RHOU: variants seen among roughly 807,000 people sequenced by gnomAD.
RHOU encodes ras homolog family member U.
In RHOU, 8 loss-of-function variants were observed where a neutral mutation model predicts 12.6. The ratio of observed to expected loss-of-function variants is 0.64; its 90% CI spans 0.37 to 1.15. The LOEUF is 1.15. RHOU is among the 50% of genes most tolerant of loss of function. The pLI is 0.01. For missense variants in RHOU, 258 were observed against 347.0 expected (o/e 0.74, Z 2.04); for synonymous variants, 161 against 147.4 (o/e 1.09, Z -0.67).
At chr1:228,659,002 A>G in the RHOU span, among the ~76,000 whole-genome samples, 1 of 152,196 alleles carries the variant, frequency 6.6e-6, no homozygotes, top group Non-Finnish European at 1.5e-5. Context: ...AAATGAAAAC[A>G]CAGTACAGCA....
the RHOU span, among the ~76,000 whole-genome samples, chr1:228,664,960 T>G: frequency 6.6e-6 from 1 of 152,170 alleles, no homozygotes; most frequent in Non-Finnish European, 1.5e-5. Flanking sequence ...CTTGCCAAGC[T>G]TTATTAACTA....
intron 2 of RHOU, among the ~76,000 whole-genome samples, chr1:228,739,248 CA>C (rs1179978495): frequency 6.6e-6 from 1 of 152,072 alleles, no homozygotes; most frequent in Non-Finnish European, 1.5e-5. Context: ...CTTTGTCTAC[CA>C]GGGGGTCAGG....
Position 228,738,886 on chromosome 1 carries a change from G to A in RHOU, c.321+1155G>A, listed in dbSNP as rs919288064. 6.6e-6 allele frequency among the ~76,000 whole-genome samples: 1 copy of A among 151,874 alleles called. No homozygotes were observed. Among genetic ancestry groups the A allele is most frequent in the Non-Finnish European group, 1.5e-5 (1 of 67,964 alleles). ...GGCTCATGCTCTTTGGGAGGCTGAG[G>A]TGGGAGGATTGCATGAGGCCAGGAA... On this transcript the variant is annotated intron_variant, in intron 2 of 2. Transcript: ENST00000366691. The surrounding 1 kb of genome is among the most constrained non-coding windows in gnomAD (Gnocchi z 4.2).
At position 228,737,795 on chromosome 1, in the gene RHOU, C is replaced by T. The variant is rs927580823; in HGVS notation, c.321+64C>T. The T allele has an allele frequency of 3.3e-6, 5 of 1,515,304 alleles. No homozygotes were observed. The highest frequency in any genetic ancestry group is 1.7e-4 in the Middle Eastern group (1 of 5,814). 93.9% of individuals were successfully genotyped at this position (1,515,304 alleles called of 1,614,324 possible). ...CAGCCTTTTAAAGATTTCCAAATAA[C>T]CTTTGATTCCCTCAGTCAGTAACTG... On this transcript the variant is annotated intron_variant, in intron 2 of 2. Transcript: ENST00000366691. This position sits in a 1 kb window ranked among gnomAD's most constrained non-coding sequence, Gnocchi z 4.1.
At chr1:228,669,056 C>T in the RHOU span, among the ~76,000 whole-genome samples, 1 of 152,166 alleles carries the variant, frequency 6.6e-6, no homozygotes, top group Non-Finnish European at 1.5e-5. Flanking sequence ...GGGCACTAAG[C>T]AGGGCAATGC....
the RHOU span, among the ~76,000 whole-genome samples, chr1:228,705,814 C>A: frequency 6.6e-6 from 1 of 152,098 alleles, no homozygotes; most frequent in Non-Finnish European, 1.5e-5. Context: ...GAGGCCGAGA[C>A]GGGCAGATCA....
chr1:228,655,888 T>C, the RHOU span, among the ~76,000 whole-genome samples: 2 of 152,252 alleles, frequency 1.3e-5, no homozygotes, highest in African/African-American at 4.8e-5. Context: ...TGCCTAATGA[T>C]AAAAACTATC....
At chr1:228,675,442 A>G in the RHOU span, among the ~76,000 whole-genome samples, 3 of 152,144 alleles carry the variant, frequency 2.0e-5, no homozygotes, top group East Asian at 5.8e-4. Flanking sequence ...AGCTATTGGG[A>G]TTTTGTTTGA....
Position 228,737,245 on chromosome 1 carries a change from C to A in RHOU, c.263-428C>A, listed in dbSNP as rs1662629577. ...AAACACACTAGAATTGTATGATAAACCCTGAAGTTGGGGAACCTTTCCCAA... is the reference window on the plus strand; with the variant it reads ...AAACACACTAGAATTGTATGATAAAACCTGAAGTTGGGGAACCTTTCCCAA... On this transcript the variant is annotated intron_variant, in intron 1 of 2. Coordinates refer to ENST00000366691, the MANE Select transcript of RHOU (RefSeq NM_021205.6). The surrounding 1 kb of genome is among the most constrained non-coding windows in gnomAD (Gnocchi z 4.1). Among the ~76,000 whole-genome samples the A allele has an allele frequency of 6.6e-6, 1 of 152,198 alleles. No individual in the cohort carries two copies. Among genetic ancestry groups the A allele is most frequent in the Non-Finnish European group, 1.5e-5 (1 of 68,040 alleles).
the RHOU span, among the ~76,000 whole-genome samples, chr1:228,674,547 T>C: frequency 1.3e-5 from 2 of 151,672 alleles, no homozygotes; most frequent in African/African-American, 2.4e-5. Flanking sequence ...AGTTTCACCA[T>C]GTTGTCCAGG....
chr1:228,665,362 C>T, the RHOU span, among the ~76,000 whole-genome samples: 1 of 152,190 alleles, frequency 6.6e-6, no homozygotes, highest in African/African-American at 2.4e-5. Context: ...CACTGTCAGG[C>T]TTGAGTCCAC....
chr1:228,648,827 GT>G, the RHOU span, among the ~76,000 whole-genome samples: 29 of 151,578 alleles, frequency 1.9e-4, no homozygotes, highest in African/African-American at 7.0e-4. Flanking sequence ...TCTGAAATTT[GT>G]TTTTTCTCTC....
At chr1:228,721,783 C>T in the RHOU span, among the ~76,000 whole-genome samples, 1 of 152,316 alleles carries the variant, frequency 6.6e-6, no homozygotes, top group South Asian at 2.1e-4. Context: ...CCCTCAGCCT[C>T]CTAAGTAGCT....
At chr1:228,662,733 TGAC>T in the RHOU span, among the ~76,000 whole-genome samples, 1 of 151,890 alleles carries the variant, frequency 6.6e-6, no homozygotes. Context: ...CTAATGTAAA[TGAC>T]GAGCTAATGG....
chr1:228,744,258 C>A lies in RHOU; in HGVS notation c.*518C>A, dbSNP rs1662780357. 6.6e-6 allele frequency: 1 copy of A among 152,618 alleles called. No individual in the cohort carries two copies. Among genetic ancestry groups the A allele is most frequent in the East Asian group, 1.9e-4 (1 of 5,196 alleles). The allele number at this position is 152,618 out of a possible 1,614,324, so 9.5% of individuals were successfully genotyped here. A position where few individuals can be genotyped will look rare whatever the true frequency, so the allele number is the denominator to read the frequency against. On this transcript the variant is annotated 3_prime_UTR_variant, in exon 3 of 3. Coordinates refer to ENST00000366691, the MANE Select transcript of RHOU (RefSeq NM_021205.6). ...AAAATCTGAGAAAAAAAGTGAGAGA[C>A]CTCTGCCTACAAAACCTCAAACCAG...
chr1:228,715,832 A>AT, the RHOU span, among the ~76,000 whole-genome samples: 78,739 of 148,370 alleles, frequency 0.53, 23,374 homozygotes, highest in African/African-American at 0.83. Context: ...ATTGTGGTGG[A>AT]TTTTTTTTTG....
chr1:228,664,094 C>T, the RHOU span, among the ~76,000 whole-genome samples: 1 of 150,678 alleles, frequency 6.6e-6, no homozygotes, highest in Admixed American at 6.6e-5. Flanking sequence ...TCACGGCTCA[C>T]TGCAGTCTTG....
chr1:228,714,199 T>C, the RHOU span, among the ~76,000 whole-genome samples: 1 of 152,050 alleles, frequency 6.6e-6, no homozygotes, highest in African/African-American at 2.4e-5. Context: ...CCATGGTGTA[T>C]TATTTTCTTA....
the RHOU span, among the ~76,000 whole-genome samples, chr1:228,684,108 G>T: frequency 6.6e-6 from 1 of 151,494 alleles, no homozygotes; most frequent in Non-Finnish European, 1.5e-5. Context: ...CATGATCTCG[G>T]CTCACTGCAA....
Sources: allele counts gnomAD v4.1 joint callset (sites outside exome capture counted in the v4.1 genomes callset), GRCh38; gene constraint gnomAD v4.1.1; non-coding constraint Gnocchi (gnomAD v3.1); transcripts MANE v1.5; gene names NCBI Gene and HGNC (gene_info 2026-07-23, HGNC 2026-07-21).